ROBO1: variants seen among roughly 807,000 people sequenced by gnomAD.
The protein encoded by ROBO1 is roundabout homolog 1.
Under a neutral mutation model 195.9 loss-of-function variants are expected in ROBO1, and 149 were observed. The observed-to-expected ratio is 0.76, with a 90% confidence interval of 0.67 to 0.87. The LOEUF (loss-of-function observed/expected upper bound fraction) is 0.87, where lower values mean the gene tolerates loss of function less well. ROBO1 is among the 40% of genes least tolerant of loss of function. The probability of loss-of-function intolerance (pLI) is 0.00; values close to 1 mark genes in which losing one functional copy is unlikely to be tolerated. For synonymous variants in ROBO1, 816 were observed against 733.2 expected (o/e 1.11, Z -1.82); for missense variants, 1,933 against 2,068.3 (o/e 0.93, Z 1.27).
At chr3:78,890,128 T>G (rs768429919) in intron 4 of ROBO1, among the ~76,000 whole-genome samples, 1 of 152,120 alleles carries the variant, frequency 6.6e-6, no homozygotes, top group Non-Finnish European at 1.5e-5. Flanking sequence ...GTATAAGATT[T>G]GTAAGGACAG....
intron 3 of ROBO1, among the ~76,000 whole-genome samples, chr3:79,118,979 A>G (rs1232964229): frequency 6.6e-6 from 1 of 152,214 alleles, no homozygotes; most frequent in Admixed American, 6.5e-5. Context: ...ATTTAAGTTC[A>G]GATACTGCTT....
intron 2 of ROBO1, among the ~76,000 whole-genome samples, chr3:79,356,302 C>T (rs1208165490): frequency 1.3e-5 from 2 of 152,192 alleles, no homozygotes; most frequent in African/African-American, 2.4e-5. Context: ...GATACTGCCA[C>T]TACCCTCCAG....
intron 3 of ROBO1, among the ~76,000 whole-genome samples, chr3:79,038,341 A>G (rs1559612235): frequency 6.6e-6 from 1 of 152,188 alleles, no homozygotes; most frequent in Non-Finnish European, 1.5e-5. Flanking sequence ...ACCTCCCTAC[A>G]GTTATTGCAG....
intron 3 of ROBO1, among the ~76,000 whole-genome samples, chr3:78,990,684 A>C (rs192422609): frequency 6.6e-6 from 1 of 152,308 alleles, no homozygotes; most frequent in African/African-American, 2.4e-5. Context: ...TCTCCAAATC[A>C]GTTCTTCATC....
intron 2 of ROBO1, among the ~76,000 whole-genome samples, chr3:79,306,614 G>A (rs1030743796): frequency 3.3e-5 from 5 of 152,162 alleles, no homozygotes; most frequent in African/African-American, 1.2e-4. Flanking sequence ...CAGTGAAAGC[G>A]AAAAGCAAGA....
At chr3:78,790,482 C>T (rs781577954) in intron 4 of ROBO1, among the ~76,000 whole-genome samples, 4 of 152,160 alleles carry the variant, frequency 2.6e-5, no homozygotes, top group Non-Finnish European at 5.9e-5. Flanking sequence ...CAGTTATACT[C>T]TCTTAGTTAT....
At chr3:79,364,667 A>C (rs1166539880) in intron 2 of ROBO1, among the ~76,000 whole-genome samples, 2 of 152,126 alleles carry the variant, frequency 1.3e-5, no homozygotes, top group Non-Finnish European at 2.9e-5. Flanking sequence ...GGATTAATCA[A>C]TCCAGTTTCT....
chr3:79,169,156 T>C (rs1576764840), intron 2 of ROBO1, among the ~76,000 whole-genome samples: 1 of 152,320 alleles, frequency 6.6e-6, no homozygotes, highest in East Asian at 1.9e-4. Flanking sequence ...GGACTATTGA[T>C]GACTGGGATC....
intron 2 of ROBO1, among the ~76,000 whole-genome samples, chr3:79,524,899 A>ATG (rs921151707): frequency 1.3e-5 from 2 of 151,886 alleles, no homozygotes; most frequent in Non-Finnish European, 2.9e-5. Flanking sequence ...TGAAAATTAT[A>ATG]TGTGTGTGTG....
At chr3:78,731,463 A>G (rs1274908036) in intron 5 of ROBO1, among the ~76,000 whole-genome samples, 1 of 152,112 alleles carries the variant, frequency 6.6e-6, no homozygotes, top group East Asian at 1.9e-4. Context: ...TTGATCTGAC[A>G]TTTCCTGCCT....
At chr3:79,569,922 G>A (rs766676527) in intron 2 of ROBO1, among the ~76,000 whole-genome samples, 13 of 151,770 alleles carry the variant, frequency 8.6e-5, no homozygotes, top group Non-Finnish European at 1.8e-4. Flanking sequence ...AACTTGGGAA[G>A]ACCCCATCTC....
intron 8 of ROBO1, among the ~76,000 whole-genome samples, chr3:78,698,519 T>C (rs1270271575): frequency 6.6e-6 from 1 of 152,176 alleles, no homozygotes; most frequent in African/African-American, 2.4e-5. Context: ...CTCACATTAT[T>C]CTGTAGAACA....
At chr3:78,799,517 A>AT (rs2084295647) in intron 4 of ROBO1, among the ~76,000 whole-genome samples, 1 of 151,648 alleles carries the variant, frequency 6.6e-6, no homozygotes, top group African/African-American at 2.4e-5. Flanking sequence ...AATTTTTTGT[A>AT]TTTTTAGTAG....
intron 1 of ROBO1, among the ~76,000 whole-genome samples, chr3:79,723,256 G>A (rs1702778225): frequency 1.3e-5 from 2 of 152,062 alleles, no homozygotes; most frequent in Non-Finnish European, 2.9e-5. Context: ...GGGATCAAAG[G>A]TGATCTTATT....
chr3:79,259,118 C>G (rs2082890799), intron 2 of ROBO1, among the ~76,000 whole-genome samples: 1 of 151,824 alleles, frequency 6.6e-6, no homozygotes, highest in Non-Finnish European at 1.5e-5. Flanking sequence ...ATAATTTATC[C>G]TTTGAGTTGC....
At chr3:78,998,005 C>T (rs2077409410) in intron 3 of ROBO1, among the ~76,000 whole-genome samples, 3 of 152,156 alleles carry the variant, frequency 2.0e-5, no homozygotes, top group Admixed American at 2.0e-4. Flanking sequence ...TTTCTTCCCA[C>T]TCTGAGATTC....
chr3:79,300,736 C>T (rs559095381), intron 2 of ROBO1, among the ~76,000 whole-genome samples: 55 of 152,214 alleles, frequency 3.6e-4, no homozygotes, highest in African/African-American at 1.2e-3. Context: ...TGTAAATACA[C>T]CAATCGGCAC....
intron 2 of ROBO1, among the ~76,000 whole-genome samples, chr3:79,330,378 A>T (rs977454912): frequency 1.0e-4 from 15 of 150,542 alleles, no homozygotes; most frequent in Non-Finnish European, 2.2e-4. Flanking sequence ...GCAAACTAAG[A>T]CTCAAAGGTT....
Position 78,860,326 on chromosome 3 carries a change from A to ATAT in ROBO1, c.499+78274_499+78275insATA, listed in dbSNP as rs376853384. 3.5e-3 allele frequency among the ~76,000 whole-genome samples: 331 copies of ATAT among 93,512 alleles called. 2 individuals are homozygous for ATAT. The highest frequency in any genetic ancestry group is 5.8e-3 in the African/African-American group (129 of 22,218). The allele number at this position is 93,512 out of a possible 152,430, so 61.3% of individuals were successfully genotyped here. A position where few individuals can be genotyped will look rare whatever the true frequency, so the allele number is the denominator to read the frequency against. ...ACTATATATATATATATATATATAT[A>ATAT]TTTTTTTTTTTTTACTCATAAGGTG... On this transcript the variant is annotated intron_variant, in intron 4 of 30. Coordinates refer to ENST00000464233, the MANE Select transcript of ROBO1 (RefSeq NM_002941.4).
Sources: allele counts gnomAD v4.1 joint callset (sites outside exome capture counted in the v4.1 genomes callset), GRCh38; gene constraint gnomAD v4.1.1; transcripts MANE v1.5; gene names NCBI Gene and HGNC (gene_info 2026-07-23, HGNC 2026-07-21).